The following GAB2 variants were observed in gnomAD, a reference collection of about 807,000 sequenced individuals.
The protein encoded by GAB2 is GRB2 associated binding protein 2, also known as GRB2-associated-binding protein 2.
A neutral mutation model predicts 65.5 loss-of-function variants in GAB2; 26 were observed. The observed-to-expected ratio is 0.40, with a 90% CI of 0.29 to 0.55. The LOEUF is 0.55. Among genes scored for constraint, GAB2 ranks in the 20% least tolerant of loss-of-function variants. The pLI is 0.53. For missense variants in GAB2, 884 were observed against 875.8 expected (o/e 1.01, Z -0.12); for synonymous variants, 321 against 329.6 (o/e 0.97, Z 0.28).
chr11:78,266,362 GCTCC>G (rs1271536857), intron 2 of GAB2, among the ~76,000 whole-genome samples: 2 of 151,930 alleles, frequency 1.3e-5, no homozygotes, highest in African/African-American at 4.8e-5. Context: ...CCCAAACTGT[GCTCC>G]AGCCTTCCAG....
chr11:78,301,670 TTGA>T (rs1353513118), intron 1 of GAB2, among the ~76,000 whole-genome samples: 1 of 152,196 alleles, frequency 6.6e-6, no homozygotes, highest in African/African-American at 2.4e-5. Context: ...GTTTCTGAGT[TTGA>T]TGAGTCCAAC....
At chr11:78,369,293 T>C (rs1402017697) in intron 1 of GAB2, among the ~76,000 whole-genome samples, 1 of 152,222 alleles carries the variant, frequency 6.6e-6, no homozygotes, top group Non-Finnish European at 1.5e-5. Flanking sequence ...CTGTTGCCTT[T>C]TAACTGGGTT....
intron 1 of GAB2, among the ~76,000 whole-genome samples, chr11:78,367,939 C>A (rs1478379178): frequency 6.6e-6 from 1 of 151,518 alleles, no homozygotes; most frequent in Non-Finnish European, 1.5e-5. Context: ...GCCTCAGCCT[C>A]CCGAGTAGCT....
chr11:78,411,161 G>T (rs1052150271), intron 1 of GAB2, among the ~76,000 whole-genome samples: 3 of 132,432 alleles, frequency 2.3e-5, no homozygotes, highest in Admixed American at 7.0e-5. Context: ...GGGGTGGTTG[G>T]GGGGGGGGAT....
intron 1 of GAB2, 112 bp downstream of exon 1, chr11:78,417,534 C>G (rs1373239456): frequency 4.7e-6 from 2 of 424,676 alleles, no homozygotes; most frequent in Non-Finnish European, 6.7e-6. Flanking sequence ...CCCGGCCCCC[C>G]GCGGCTCCGG....
At chr11:78,353,857 G>C (rs907521095) in intron 1 of GAB2, among the ~76,000 whole-genome samples, 39 of 152,166 alleles carry the variant, frequency 2.6e-4, no homozygotes, top group Non-Finnish European at 4.1e-4. Context: ...TATATTATCA[G>C]ATAACTCCTG....
In GAB2 at chr11:78,250,171, T is replaced by A; in HGVS notation, c.606A>T (p.Arg202Ser). 1.2e-6 allele frequency: 2 copies of A among 1,613,022 alleles called. No individual in the cohort carries two copies. The highest frequency in any genetic ancestry group is 1.7e-6 in the Non-Finnish European group (2 of 1,179,920). Residue 202 changes from arginine (R) to serine (S), a missense_variant, in exon 3 of 10, where the codon AGA becomes AGT. Physicochemically the swap from Arg to Ser is moderately radical, Grantham distance 110. Transcript: ENST00000361507. ...YLYLHQCISRRAENARSASFS... is the reference protein window; with the variant it reads ...YLYLHQCISRSAENARSASFS... Reference sequence around the variant, plus strand: ...CAGCCTCCTACCTTGCATTTTCTGCTCTTCGGCTTATGCACTGGTGCAAGT... The same window carrying A: ...CAGCCTCCTACCTTGCATTTTCTGCACTTCGGCTTATGCACTGGTGCAAGT...
chr11:78,328,376 A>C (rs1169112413), intron 1 of GAB2, among the ~76,000 whole-genome samples: 1 of 152,228 alleles, frequency 6.6e-6, no homozygotes, highest in Non-Finnish European at 1.5e-5. Flanking sequence ...GACATTAATA[A>C]TAAGGAAAGC....
At chr11:78,309,048 G>A (rs1192443212) in intron 1 of GAB2, among the ~76,000 whole-genome samples, 1 of 151,998 alleles carries the variant, frequency 6.6e-6, no homozygotes, top group Non-Finnish European at 1.5e-5. Flanking sequence ...GTCACTGGGA[G>A]TGGGGACAGA....
At chr11:78,297,649 A>C (rs1591012672) in intron 1 of GAB2, among the ~76,000 whole-genome samples, 1 of 152,142 alleles carries the variant, frequency 6.6e-6, no homozygotes, top group East Asian at 1.9e-4. Flanking sequence ...GGAACACAGT[A>C]AACAAAGGGG....
At chr11:78,223,095 T>G (rs983322854) in intron 6 of GAB2, among the ~76,000 whole-genome samples, 1 of 152,144 alleles carries the variant, frequency 6.6e-6, no homozygotes, top group East Asian at 1.9e-4. Flanking sequence ...TTTGAATCCT[T>G]GCCACTGATC....
intron 1 of GAB2, among the ~76,000 whole-genome samples, chr11:78,416,874 C>T (rs981688963): frequency 1.8e-4 from 28 of 152,008 alleles, no homozygotes; most frequent in African/African-American, 6.8e-4. Context: ...AGGGAAAAGG[C>T]TGTTCCAGCG....
rs184540370 is a variant in GAB2 at position 78,243,798 on chromosome 11, C to T, written c.620+6359G>A. 1.1e-4 allele frequency among the ~76,000 whole-genome samples: 17 copies of T among 152,176 alleles called. No homozygotes were observed. The East Asian group carries it at 2.3e-3, about 21-fold the overall frequency. ...GGCGGAGGTTGTAGTGAGCTGAGAT[C>T]GCGCCACTGCACTCCAGCCTGGAGG... On this transcript the variant is annotated intron_variant, in intron 3 of 9. Coordinates refer to ENST00000361507, the MANE Select transcript of GAB2 (RefSeq NM_080491.3).
intron 1 of GAB2, among the ~76,000 whole-genome samples, chr11:78,338,861 G>T (rs1856046159): frequency 6.6e-6 from 1 of 151,992 alleles, no homozygotes; most frequent in Admixed American, 6.6e-5. Flanking sequence ...TAGACTAAGG[G>T]CAACGAGACT....
intron 3 of GAB2, among the ~76,000 whole-genome samples, chr11:78,242,496 C>T (rs906156982): frequency 2.0e-5 from 3 of 148,182 alleles, no homozygotes; most frequent in Admixed American, 1.3e-4. Flanking sequence ...AGCGAGACTC[C>T]GTCTCAAAAC....
intron 1 of GAB2, among the ~76,000 whole-genome samples, chr11:78,398,186 T>C (rs949758637): frequency 2.0e-5 from 3 of 152,236 alleles, no homozygotes; most frequent in African/African-American, 7.2e-5. Flanking sequence ...ATTGGCATGT[T>C]CTTCCAATGC....
intron 4 of GAB2, among the ~76,000 whole-genome samples, chr11:78,226,050 C>T (rs980853021): frequency 3.3e-5 from 5 of 152,194 alleles, no homozygotes; most frequent in South Asian, 2.1e-4. Context: ...ATTAAGACCT[C>T]GTTTTGCTTT....
intron 1 of GAB2, among the ~76,000 whole-genome samples, chr11:78,378,027 G>A (rs1856653219): frequency 6.6e-6 from 1 of 152,150 alleles, no homozygotes; most frequent in African/African-American, 2.4e-5. Context: ...GTCAGGTGAG[G>A]CACAGGTAGC....
chr11:78,305,379 G>A (rs908186161), intron 1 of GAB2, among the ~76,000 whole-genome samples: 2 of 152,068 alleles, frequency 1.3e-5, no homozygotes, highest in Admixed American at 6.6e-5. Context: ...TTTACTTTAA[G>A]GTATAAAACT....
Sources: gnomAD v4.1 joint callset for allele counts (sites outside exome capture counted in the v4.1 genomes callset) on GRCh38, gnomAD v4.1.1 for gene constraint, MANE v1.5 for transcripts, NCBI Gene and HGNC (gene_info 2026-07-23, HGNC 2026-07-21) for gene names.